TBC1D4: variants seen among roughly 807,000 people sequenced by gnomAD.
TBC1D4 encodes the protein TBC1 domain family member 4, also known as TBC (Tre-2, BUB2, CDC16) domain-containing protein.
A neutral mutation model predicts 142.5 loss-of-function variants in TBC1D4; 121 were observed. The observed-to-expected ratio is 0.85, with a 90% CI of 0.73 to 0.99. The LOEUF is 0.99. Ranked by LOEUF, TBC1D4 falls within the 50% of genes least tolerant of loss-of-function variation. The pLI is 0.00. For synonymous variants in TBC1D4, 630 were observed against 628.2 expected, an observed-to-expected ratio of 1.00 and a Z score of -0.04; for missense variants, 1,475 against 1,606.6, an observed-to-expected ratio of 0.92 and a Z score of 1.40.
At chr13:75,473,693 T>G (rs1030176786) in intron 1 of TBC1D4, among the ~76,000 whole-genome samples, 2 of 152,194 alleles carry the variant, frequency 1.3e-5, no homozygotes, top group Non-Finnish European at 2.9e-5. Flanking sequence ...AAGTGAAACT[T>G]GGAAGAGATC....
chr13:75,479,048 C>T (rs1269087984), intron 1 of TBC1D4, among the ~76,000 whole-genome samples: 2 of 152,216 alleles, frequency 1.3e-5, no homozygotes, highest in African/African-American at 2.4e-5. Context: ...GCTCTAGCAA[C>T]GCTAGACTTG....
At chr13:75,413,730 A>G (rs1885787359) in intron 1 of TBC1D4, among the ~76,000 whole-genome samples, 1 of 152,170 alleles carries the variant, frequency 6.6e-6, no homozygotes, top group Non-Finnish European at 1.5e-5. Context: ...AACACTTTGT[A>G]TTACACTGTC....
intron 1 of TBC1D4, among the ~76,000 whole-genome samples, chr13:75,469,118 A>T (rs1345582799): frequency 1.3e-5 from 2 of 152,220 alleles, no homozygotes; most frequent in Non-Finnish European, 2.9e-5. Flanking sequence ...AATGGCAGTC[A>T]CAAGTACAAA....
At chr13:75,305,892 A>T (rs984929621) in intron 15 of TBC1D4, among the ~76,000 whole-genome samples, 1 of 152,196 alleles carries the variant, frequency 6.6e-6, no homozygotes, top group Non-Finnish European at 1.5e-5. Context: ...GGATGAAAGA[A>T]AATTGATTGA....
intron 1 of TBC1D4, among the ~76,000 whole-genome samples, chr13:75,439,575 A>G (rs1886948436): frequency 6.6e-6 from 1 of 152,150 alleles, no homozygotes; most frequent in East Asian, 1.9e-4. Context: ...ATATTCCTCA[A>G]TCTATGCTTC....
intron 1 of TBC1D4, among the ~76,000 whole-genome samples, chr13:75,363,825 G>A (rs1202434581): frequency 6.6e-6 from 1 of 152,216 alleles, no homozygotes; most frequent in African/African-American, 2.4e-5. Context: ...CCATCAGCAA[G>A]TGAAGAGATA....
At chr13:75,313,714 C>T (rs910607844) in intron 12 of TBC1D4, among the ~76,000 whole-genome samples, 2 of 152,102 alleles carry the variant, frequency 1.3e-5, no homozygotes, top group African/African-American at 4.8e-5. Flanking sequence ...TTCGTAGAGA[C>T]CGGGTCCCAT....
intron 1 of TBC1D4, among the ~76,000 whole-genome samples, chr13:75,453,206 A>G (rs1220625213): frequency 6.6e-6 from 1 of 151,848 alleles, no homozygotes; most frequent in Non-Finnish European, 1.5e-5. Context: ...ATTTTTAGGT[A>G]GCATTTTTCT....
At chr13:75,478,892 C>A (rs1039965964) in intron 1 of TBC1D4, among the ~76,000 whole-genome samples, 1 of 152,134 alleles carries the variant, frequency 6.6e-6, no homozygotes, top group Non-Finnish European at 1.5e-5. Context: ...CAAAAGTGGC[C>A]GCTCATGGAT....
intron 1 of TBC1D4, chr13:75,367,025 G>A (rs899143167): frequency 1.0e-6 from 1 of 976,022 alleles, no homozygotes; most frequent in Non-Finnish European, 1.2e-6. Flanking sequence ...TAAATAAGCT[G>A]GCGGTATTTT....
chr13:75,287,310 G>A (rs1488242984), intron 20 of TBC1D4, among the ~76,000 whole-genome samples: 2 of 152,174 alleles, frequency 1.3e-5, no homozygotes, highest in African/African-American at 4.8e-5. Flanking sequence ...GTTCCCCTGA[G>A]TGAGTGGGAT....
chr13:75,459,962 G>A (rs190325451), intron 1 of TBC1D4, among the ~76,000 whole-genome samples: 1 of 152,198 alleles, frequency 6.6e-6, no homozygotes, highest in Admixed American at 6.5e-5. Flanking sequence ...GTAACATGGT[G>A]AAAACTCGTC....
chr13:75,439,224 AG>A (rs1168050507), intron 1 of TBC1D4, among the ~76,000 whole-genome samples: 4 of 152,336 alleles, frequency 2.6e-5, no homozygotes, highest in African/African-American at 9.6e-5. Context: ...TAACTTATAA[AG>A]CATAAAGAAA....
chr13:75,361,357 T>C (rs1882484451), intron 2 of TBC1D4, among the ~76,000 whole-genome samples: 2 of 152,182 alleles, frequency 1.3e-5, no homozygotes. Context: ...CTCAGATTCA[T>C]ATCTTTAAAG....
chr13:75,321,415 G>A (rs1228799172), intron 11 of TBC1D4, among the ~76,000 whole-genome samples: 1 of 149,196 alleles, frequency 6.7e-6, no homozygotes, highest in Non-Finnish European at 1.5e-5. Context: ...GGCTTAGAAT[G>A]AGGAAATATA....
intron 18 of TBC1D4, 61 bp from the exon 19 acceptor site, chr13:75,292,332 G>T (rs190521826): frequency 7.3e-7 from 1 of 1,377,684 alleles, no homozygotes; most frequent in Non-Finnish European, 1.0e-6. Context: ...TAAAAAGCAC[G>T]CTATTTGTGC....
At chr13:75,361,073 T>C (rs1379753899) in intron 2 of TBC1D4, among the ~76,000 whole-genome samples, 1 of 152,218 alleles carries the variant, frequency 6.6e-6, no homozygotes, top group Non-Finnish European at 1.5e-5. Context: ...AGGAATTAAG[T>C]TATTTTAAGC....
At chr13:75,338,555 C>T (rs1880415804) in intron 7 of TBC1D4, among the ~76,000 whole-genome samples, 1 of 152,164 alleles carries the variant, frequency 6.6e-6, no homozygotes, top group Non-Finnish European at 1.5e-5. Context: ...TTAAAATCTC[C>T]TCCTGTATGA....
intron 1 of TBC1D4, among the ~76,000 whole-genome samples, chr13:75,392,377 T>C (rs921674170): frequency 1.3e-5 from 2 of 152,142 alleles, no homozygotes; most frequent in Admixed American, 1.3e-4. Flanking sequence ...TTCCTATATT[T>C]CATTTATTCT....
Sources: allele counts gnomAD v4.1 joint callset (sites outside exome capture counted in the v4.1 genomes callset), GRCh38; gene constraint gnomAD v4.1.1; transcripts MANE v1.5; gene names NCBI Gene and HGNC (gene_info 2026-07-23, HGNC 2026-07-21).